Variants in ANKRD30B observed in about 807,000 individuals in gnomAD.
ANKRD30B encodes the protein ankyrin repeat domain 30B, also known as ankyrin repeat domain-containing protein 30B.
A neutral mutation model predicts 202.2 loss-of-function variants in ANKRD30B; 144 were observed. The ratio of observed to expected loss-of-function variants is 0.71; its 90% CI spans 0.62 to 0.82. The LOEUF is 0.82. Ranked by LOEUF, ANKRD30B falls within the 40% of genes least tolerant of loss-of-function variation. The probability of loss-of-function intolerance (pLI) is 0.00; values close to 1 mark genes in which losing one functional copy is unlikely to be tolerated. For synonymous variants in ANKRD30B, 508 were observed against 561.3 expected (o/e 0.91, Z 1.34); for missense variants, 1,487 against 1,669.1 (o/e 0.89, Z 1.90).
At chr18:14,837,094 G>A (rs1971208973) in intron 34 of ANKRD30B, 117 bp from the exon 35 acceptor site, 4 of 643,166 alleles carry the variant, frequency 6.2e-6, no homozygotes, top group Non-Finnish European at 1.1e-5. Flanking sequence ...TACAAAGTAT[G>A]TTTTTTGTTG....
chr18:14,806,536 G>A (rs923619918), intron 24 of ANKRD30B, among the ~76,000 whole-genome samples: 3 of 150,458 alleles, frequency 2.0e-5, no homozygotes, highest in South Asian at 2.1e-4. Context: ...AAAAAATAAC[G>A]AAGGTAGTAT....
At chr18:14,752,712 T>C in intron 2 of ANKRD30B, 32 bp downstream of exon 2, 1 of 1,569,350 alleles carries the variant, frequency 6.4e-7, no homozygotes, top group Non-Finnish European at 8.7e-7. Flanking sequence ...CAGCGGGAGA[T>C]GGATTTGGTT....
chr18:14,806,116 A>G (rs1969494775), intron 24 of ANKRD30B, among the ~76,000 whole-genome samples: 1 of 149,282 alleles, frequency 6.7e-6, no homozygotes, highest in Admixed American at 6.7e-5. Context: ...GCCACTCAGG[A>G]GGTTGAGGCA....
the ANKRD30B span, among the ~76,000 whole-genome samples, chr18:14,925,837 G>A: frequency 1.3e-5 from 2 of 152,186 alleles, no homozygotes; most frequent in South Asian, 4.1e-4. Flanking sequence ...AGAGGAGCCT[G>A]GAACTGACCA....
At chr18:14,774,633 C>T (rs1206763466) in intron 9 of ANKRD30B, among the ~76,000 whole-genome samples, 1 of 152,090 alleles carries the variant, frequency 6.6e-6, no homozygotes, top group East Asian at 1.9e-4. Flanking sequence ...TATTTCAATG[C>T]AAACCCAGTT....
chr18:14,843,846 C>T (rs989304562), intron 39 of ANKRD30B, among the ~76,000 whole-genome samples: 1 of 152,018 alleles, frequency 6.6e-6, no homozygotes. Flanking sequence ...GAGAAGTAAT[C>T]ATTTCTTTAT....
chr18:14,804,554 G>A (rs1238552270), intron 24 of ANKRD30B, among the ~76,000 whole-genome samples: 1 of 150,678 alleles, frequency 6.6e-6, no homozygotes, highest in Admixed American at 6.6e-5. Context: ...GCTGATGCTG[G>A]TGGTCGTTGG....
At chr18:14,806,489 T>A (rs1234179909) in intron 24 of ANKRD30B, among the ~76,000 whole-genome samples, 5 of 150,980 alleles carry the variant, frequency 3.3e-5, no homozygotes. Context: ...GATTTTAAAA[T>A]CTCCAGTGTA....
the ANKRD30B span, among the ~76,000 whole-genome samples, chr18:14,891,058 C>A: frequency 6.6e-6 from 1 of 152,000 alleles, no homozygotes; most frequent in Non-Finnish European, 1.5e-5. Context: ...TACTTTTATG[C>A]AATTTGCTAT....
chr18:14,909,499 C>G, the ANKRD30B span, among the ~76,000 whole-genome samples: 1 of 152,142 alleles, frequency 6.6e-6, no homozygotes, highest in Admixed American at 6.5e-5. Context: ...CCTCCGCCTC[C>G]CGGATTCAAG....
chr18:14,849,239 G>T (rs1033333769), intron 40 of ANKRD30B, among the ~76,000 whole-genome samples: 1 of 151,704 alleles, frequency 6.6e-6, no homozygotes, highest in African/African-American at 2.4e-5. Flanking sequence ...AGACATAACT[G>T]CATGTAAATC....
chr18:14,878,525 C>T, the ANKRD30B span, among the ~76,000 whole-genome samples: 4 of 151,862 alleles, frequency 2.6e-5, no homozygotes, highest in Non-Finnish European at 5.9e-5. Flanking sequence ...GGAGGGCAAA[C>T]AGAAAGTCTG....
At chr18:14,776,528 G>A (rs1435406038) in intron 9 of ANKRD30B, among the ~76,000 whole-genome samples, 1 of 152,096 alleles carries the variant, frequency 6.6e-6, no homozygotes, top group Non-Finnish European at 1.5e-5. Context: ...GAGAACAGTG[G>A]ACCATATTTG....
intron 16 of ANKRD30B, among the ~76,000 whole-genome samples, chr18:14,793,562 T>C (rs1381635606): frequency 6.6e-6 from 1 of 151,982 alleles, no homozygotes; most frequent in African/African-American, 2.4e-5. Context: ...ACAGCAACTT[T>C]TTATTTTTTG....
At chr18:14,761,224 A>C (rs996435808) in intron 6 of ANKRD30B, among the ~76,000 whole-genome samples, 1 of 152,196 alleles carries the variant, frequency 6.6e-6, no homozygotes, top group Non-Finnish European at 1.5e-5. Context: ...TCCCGGCTGC[A>C]TGACGGATGA....
the ANKRD30B span, among the ~76,000 whole-genome samples, chr18:14,866,669 C>T: frequency 7.9e-5 from 12 of 151,998 alleles, no homozygotes; most frequent in African/African-American, 2.2e-4. Context: ...CTGCACTGCC[C>T]GCTTGTGGGG....
intron 39 of ANKRD30B, among the ~76,000 whole-genome samples, chr18:14,844,856 C>T (rs541290103): frequency 1.6e-4 from 24 of 151,984 alleles, no homozygotes; most frequent in African/African-American, 5.8e-4. Context: ...ATTTTTTTCA[C>T]GTGTCTGTTG....
the ANKRD30B span, among the ~76,000 whole-genome samples, chr18:14,937,821 C>G: frequency 6.6e-6 from 1 of 152,256 alleles, no homozygotes; most frequent in East Asian, 1.9e-4. Flanking sequence ...TTCAACACTT[C>G]AAGAATGTGG....
chr18:14,793,896 G>GAA (rs536175717), intron 16 of ANKRD30B, among the ~76,000 whole-genome samples: 2 of 141,004 alleles, frequency 1.4e-5, no homozygotes, highest in African/African-American at 5.1e-5. Context: ...ACCGACAAAA[G>GAA]AAAAAAAAAA....
Sources: gnomAD v4.1 joint callset for allele counts (sites outside exome capture counted in the v4.1 genomes callset) on GRCh38, gnomAD v4.1.1 for gene constraint, MANE v1.5 for transcripts, NCBI Gene and HGNC (gene_info 2026-07-23, HGNC 2026-07-21) for gene names.